CNNM1: variants seen among roughly 807,000 people sequenced by gnomAD.
CNNM1 encodes cyclin and CBS domain divalent metal cation transport mediator 1.
CNNM1 carries 44 observed loss-of-function variants against 78.8 expected under a neutral mutation model. The ratio of observed to expected loss-of-function variants is 0.56; its 90% CI spans 0.44 to 0.72. The LOEUF is 0.72. Ranked by LOEUF, CNNM1 falls within the 30% of genes least tolerant of loss-of-function variation. CNNM1 has a pLI of 0.00. For missense variants in CNNM1, 1,101 were observed against 1,292.2 expected (o/e 0.85, Z 2.27); for synonymous variants, 584 against 581.5 (o/e 1.00, Z -0.06).
intron 6 of CNNM1, among the ~76,000 whole-genome samples, chr10:99,373,614 C>T (rs530563222): frequency 1.0e-3 from 152 of 152,254 alleles, no homozygotes; most frequent in African/African-American, 3.5e-3. Flanking sequence ...ATTTTTGTTA[C>T]ATAGATATAT....
chr10:99,356,562 C>CAGACAGAAAGAAAGAAAAGAAAA, intron 1 of CNNM1, among the ~76,000 whole-genome samples: 2 of 98,444 alleles, frequency 2.0e-5, no homozygotes, highest in Non-Finnish European at 4.2e-5. Context: ...GACAGACAGA[C>CAGACAGAAAGAAAGAAAAGAAAA]AGAAAGAAAG....
chr10:99,346,753 G>A (rs953401674), intron 1 of CNNM1, among the ~76,000 whole-genome samples: 9 of 152,190 alleles, frequency 5.9e-5, no homozygotes, highest in Admixed American at 2.0e-4. Flanking sequence ...GATTACAGGC[G>A]TGAGCCACCA....
intron 3 of CNNM1, among the ~76,000 whole-genome samples, chr10:99,361,278 G>A (rs1490951937): frequency 6.6e-6 from 1 of 152,178 alleles, no homozygotes; most frequent in Non-Finnish European, 1.5e-5. Context: ...GAAGCCCGAG[G>A]CCATCTCCCT....
At chr10:99,338,843 T>G (rs1309750743) in intron 1 of CNNM1, among the ~76,000 whole-genome samples, 1 of 152,200 alleles carries the variant, frequency 6.6e-6, no homozygotes, top group African/African-American at 2.4e-5. Context: ...CCCATTCTAA[T>G]CTTAAGAGTG....
intron 2 of CNNM1, among the ~76,000 whole-genome samples, chr10:99,358,904 TGGGA>T (rs138956834): frequency 0.035 from 4,985 of 143,222 alleles, 267 homozygotes; most frequent in African/African-American, 0.12. Context: ...GAGGCCAAGG[TGGGA>T]GGATCACTTG....
rs1352183839 is a variant in CNNM1, at chr10:99,348,050, A to ATATTT, written c.1574-9461_1574-9460insATTTT. 4.1e-3 allele frequency among the ~76,000 whole-genome samples: 538 copies of ATATTT among 131,666 alleles called. 4 individuals carry two copies. The highest frequency in any genetic ancestry group is 0.014 in the African/African-American group (486 of 33,974). The allele number at this position is 131,666 out of a possible 152,430, so 86.4% of individuals were successfully genotyped here. On this transcript the variant is annotated intron_variant, in intron 1 of 10. Transcript: ENST00000356713. ...TGTGTGTGTGTGTGTATATATATATATTTTTTTTTTTTGAGACAACATCTC... is the reference window on the plus strand; with the variant it reads ...TGTGTGTGTGTGTGTATATATATATATATTTTTTTTTTTTTTTGAGACAACATCTC...
chr10:99,329,433 C>T lies in CNNM1; in HGVS notation c.46C>T (p.Arg16Trp), dbSNP rs1211511090. ...AAAAAVGVRL[R>W]DCCSRGAVLL... ...GGCAGCAGCGGTGGGTGTCAGGCTC[C>T]GGGACTGCTGCAGCCGAGGCGCTGT... The change falls in exon 1 of 11, where the codon CGG (arginine) becomes TGG (tryptophan). Residue 16 changes from arginine to tryptophan, a missense_variant. Arg to Trp is a moderately radical substitution (Grantham distance 101). Coordinates refer to ENST00000356713, the MANE Select transcript of CNNM1 (RefSeq NM_020348.3). The T allele has an allele frequency of 1.7e-6, 2 of 1,190,874 alleles. No individual in the cohort carries two copies. The highest frequency in any genetic ancestry group is 2.6e-5 in the Admixed American group (1 of 39,188). The allele number at this position is 1,190,874 out of a possible 1,614,324, so 73.8% of individuals were successfully genotyped here. A position where few individuals can be genotyped will look rare whatever the true frequency, so the allele number is the denominator to read the frequency against.
chr10:99,334,641 A>G (rs1387752912), intron 1 of CNNM1, among the ~76,000 whole-genome samples: 1 of 152,056 alleles, frequency 6.6e-6, no homozygotes, highest in Non-Finnish European at 1.5e-5. Flanking sequence ...ACAGAGAAAG[A>G]CTCTGTCTCA....
intron 5 of CNNM1, 30 bp downstream of exon 5, chr10:99,364,546 A>C (rs2031549894): frequency 1.3e-6 from 2 of 1,549,126 alleles, no homozygotes; most frequent in South Asian, 2.3e-5. Flanking sequence ...TTTATTGGGA[A>C]AGTAATGGGA....
rs748155251 is a variant in CNNM1 at position 99,390,299 on chromosome 10, TTCTC to T, written c.2675-6_2675-3del. 6.2e-7 allele frequency: 1 copy of T among 1,606,468 alleles called. No individual in the cohort carries two copies. The highest frequency in any genetic ancestry group is 1.7e-5 in the Admixed American group (1 of 59,498). ...GACAACTTGAGTTCTCTCCTTTCCT[TTCTC>T]AGCATCAGATAGTGAATGTTGTAAC... On this transcript the variant is annotated splice_region_variant and splice_polypyrimidine_tract_variant and intron_variant, in intron 9 of 10. Transcript: ENST00000356713.
chr10:99,337,364 GC>G (rs1156618006), intron 1 of CNNM1, among the ~76,000 whole-genome samples: 1 of 152,152 alleles, frequency 6.6e-6, no homozygotes, highest in Non-Finnish European at 1.5e-5. Context: ...CCTGCTTCTT[GC>G]CCTCCCCTCC....
chr10:99,390,321 GT>G lies in CNNM1; in HGVS notation c.2692del (p.Cys898ValfsTer25). ...VPTRAASDSE[C>X]CNINLDTETS... ...CCTTTCTCAGCATCAGATAGTGAAT[GT>G]TGTAACATCAACCTGGATACAGAGA... On this transcript the variant is annotated frameshift_variant, in exon 10 of 11. Coordinates refer to ENST00000356713, the MANE Select transcript of CNNM1 (RefSeq NM_020348.3). LOFTEE classifies it high-confidence loss of function. The G allele has an allele frequency of 6.2e-7, 1 of 1,612,582 alleles. No homozygotes were observed. Among genetic ancestry groups the G allele is most frequent in the Non-Finnish European group, 8.5e-7 (1 of 1,179,318 alleles).
chr10:99,367,529 T>C (rs1024272859), intron 6 of CNNM1, among the ~76,000 whole-genome samples: 1 of 152,150 alleles, frequency 6.6e-6, no homozygotes, highest in African/African-American at 2.4e-5. Context: ...GTTTGGTGTA[T>C]ACAATGTATA....
intron 1 of CNNM1, among the ~76,000 whole-genome samples, chr10:99,345,388 C>G (rs2030648069): frequency 6.6e-6 from 1 of 152,176 alleles, no homozygotes; most frequent in Non-Finnish European, 1.5e-5. Context: ...TCTCAGGTAT[C>G]TAGCTTACTT....
rs1178066045 is a variant in CNNM1 at position 99,389,365 on chromosome 10, C to T, written c.2675-941C>T. ...CTGGGAAGCTGAGGTTGCAGTGAGG[C>T]GAGATGGCGCCATTGCACTCTAGCC... On this transcript the variant is annotated intron_variant, in intron 9 of 10. Coordinates refer to ENST00000356713, the MANE Select transcript of CNNM1 (RefSeq NM_020348.3). 4.4e-5 allele frequency among the ~76,000 whole-genome samples: 6 copies of T among 135,292 alleles called. No individual in the cohort carries two copies. In the South Asian group the frequency reaches 7.1e-4, roughly 16 times the overall value. The allele number at this position is 135,292 out of a possible 152,430, so 88.8% of individuals were successfully genotyped here. A position where few individuals can be genotyped will look rare whatever the true frequency, so the allele number is the denominator to read the frequency against.
At chr10:99,358,724 C>T (rs1200635903) in intron 2 of CNNM1, among the ~76,000 whole-genome samples, 1 of 152,134 alleles carries the variant, frequency 6.6e-6, no homozygotes, top group Non-Finnish European at 1.5e-5. Flanking sequence ...GTGTCTTCCT[C>T]ACATGAGGAA....
At chr10:99,358,094 A>T (rs1211233467) in intron 2 of CNNM1, among the ~76,000 whole-genome samples, 2 of 152,086 alleles carry the variant, frequency 1.3e-5, no homozygotes, top group Non-Finnish European at 2.9e-5. Flanking sequence ...GGAGACTGTC[A>T]TGAGATTGCC....
intron 1 of CNNM1, among the ~76,000 whole-genome samples, chr10:99,345,085 A>G (rs999520897): frequency 2.6e-5 from 4 of 152,268 alleles, no homozygotes; most frequent in African/African-American, 9.6e-5. Flanking sequence ...TCCTGGCTCC[A>G]TCACATACTA....
intron 7 of CNNM1, among the ~76,000 whole-genome samples, chr10:99,384,064 T>C (rs1209680044): frequency 6.7e-6 from 1 of 148,878 alleles, no homozygotes; most frequent in Non-Finnish European, 1.5e-5. Context: ...AAATATGTTA[T>C]TAAAATTAAC....
Sources: allele counts gnomAD v4.1 joint callset (sites outside exome capture counted in the v4.1 genomes callset), GRCh38; gene constraint gnomAD v4.1.1; transcripts MANE v1.5; gene names NCBI Gene and HGNC (gene_info 2026-07-23, HGNC 2026-07-21).